TNIK: variants seen among roughly 807,000 people sequenced by gnomAD.
The protein encoded by TNIK is TRAF2 and NCK interacting kinase.
Under a neutral mutation model 191.3 loss-of-function variants are expected in TNIK, and 49 were observed. The observed-to-expected ratio is 0.26, with a 90% CI of 0.20 to 0.32. The LOEUF (loss-of-function observed/expected upper bound fraction) is 0.32, where lower values mean the gene tolerates loss of function less well. Among genes scored for constraint, TNIK ranks in the 10% least tolerant of loss-of-function variants. The pLI is 1.00. For missense variants in TNIK, 1,155 were observed against 1,702.3 expected (o/e 0.68, Z 5.66); for synonymous variants, 594 against 600.9 (o/e 0.99, Z 0.17).
intron 1 of TNIK, among the ~76,000 whole-genome samples, chr3:171,446,754 A>G (rs1381795510): frequency 6.6e-6 from 1 of 152,228 alleles, no homozygotes; most frequent in Non-Finnish European, 1.5e-5. Context: ...CTATTCTATC[A>G]TGGCCGTAGC....
chr3:171,322,860 T>C (rs1165453457), intron 2 of TNIK, among the ~76,000 whole-genome samples: 3 of 148,324 alleles, frequency 2.0e-5, no homozygotes, highest in African/African-American at 7.5e-5. Context: ...TTTTTTTAAG[T>C]GCAAGGTTGT....
At chr3:171,278,405 A>G (rs933312191) in intron 2 of TNIK, among the ~76,000 whole-genome samples, 4 of 152,202 alleles carry the variant, frequency 2.6e-5, no homozygotes, top group African/African-American at 4.8e-5. Flanking sequence ...CAACATCAAC[A>G]TAAGTATTCA....
intron 3 of TNIK, among the ~76,000 whole-genome samples, chr3:171,220,901 G>A (rs907232869): frequency 6.6e-6 from 1 of 152,092 alleles, no homozygotes; most frequent in South Asian, 2.1e-4. Flanking sequence ...TCTAACATGT[G>A]AGCATACACA....
At chr3:171,207,258 T>A (rs1740208336) in intron 4 of TNIK, among the ~76,000 whole-genome samples, 1 of 152,174 alleles carries the variant, frequency 6.6e-6, no homozygotes, top group African/African-American at 2.4e-5. Flanking sequence ...CTCTGTAGTA[T>A]TTTCCACATG....
chr3:171,383,675 A>G (rs114973946), intron 1 of TNIK, among the ~76,000 whole-genome samples: 1,611 of 152,354 alleles, frequency 0.011, 12 homozygotes, highest in South Asian at 0.02. Flanking sequence ...GGAAAAAGTA[A>G]TATGTCCTAT....
rs1298615223 is a variant in TNIK at position 171,194,638 on chromosome 3, G to A, written c.307-3C>T. ...GCACCACAAAACTCCATCACCAACT[G>A]GCAAAGGAAGCAAACAAGCCATTAT... On this transcript the variant is annotated splice_polypyrimidine_tract_variant and splice_region_variant and intron_variant, in intron 4 of 32. Transcript: ENST00000436636. The A allele has an allele frequency of 1.9e-6, 3 of 1,612,604 alleles. No individual in the cohort carries two copies. In the Admixed American group the frequency reaches 5.0e-5, roughly 27 times the overall value.
At chr3:171,076,278 G>GGTGGA (rs1287779182) in intron 28 of TNIK, among the ~76,000 whole-genome samples, 1 of 152,162 alleles carries the variant, frequency 6.6e-6, no homozygotes, top group Non-Finnish European at 1.5e-5. Context: ...AGAAAAGGCA[G>GGTGGA]GTGGAGACTC....
rs562350128 is a variant in TNIK at position 171,079,374 on chromosome 3, T to C, written c.3448+144A>G. 3.0e-5 allele frequency: 29 copies of C among 962,562 alleles called. No individual in the cohort carries two copies. The East Asian group carries it at 7.7e-4, about 25-fold the overall frequency. The allele number at this position is 962,562 out of a possible 1,614,324, so 59.6% of individuals were successfully genotyped here. A position where few individuals can be genotyped will look rare whatever the true frequency, so the allele number is the denominator to read the frequency against. On this transcript the variant is annotated intron_variant, in intron 28 of 32. Transcript: ENST00000436636. ...TCATCAATCTGGCTTTTAAAAAATA[T>C]AAATAATGCTGAAGGTTCCAGCAAC...
chr3:171,334,073 G>T (rs1039454329), intron 2 of TNIK, among the ~76,000 whole-genome samples: 3 of 152,286 alleles, frequency 2.0e-5, no homozygotes, highest in East Asian at 1.9e-4. Context: ...TCTGACTGAG[G>T]GGTGGGAAGT....
At chr3:171,132,046 C>T (rs1232383168) in intron 15 of TNIK, among the ~76,000 whole-genome samples, 1 of 152,202 alleles carries the variant, frequency 6.6e-6, no homozygotes, top group Admixed American at 6.5e-5. Context: ...AGATATGTTT[C>T]AATGCCTGAG....
At chr3:171,329,017 T>C (rs1490562354) in intron 2 of TNIK, among the ~76,000 whole-genome samples, 2 of 152,216 alleles carry the variant, frequency 1.3e-5, no homozygotes, top group Non-Finnish European at 2.9e-5. Context: ...TCCTGCACTT[T>C]CCTTATGAAA....
At chr3:171,442,202 G>A (rs1049022115) in intron 1 of TNIK, among the ~76,000 whole-genome samples, 3 of 152,140 alleles carry the variant, frequency 2.0e-5, no homozygotes, top group Non-Finnish European at 4.4e-5. Flanking sequence ...GCCACACGGA[G>A]GAAACAGGAA....
intron 1 of TNIK, among the ~76,000 whole-genome samples, chr3:171,379,548 G>A (rs567777971): frequency 1.3e-5 from 2 of 152,164 alleles, no homozygotes; most frequent in African/African-American, 4.8e-5. Context: ...TGTGTGTTCA[G>A]AGACTGTTTT....
intron 1 of TNIK, among the ~76,000 whole-genome samples, chr3:171,434,998 G>A (rs897134701): frequency 7.9e-5 from 12 of 152,214 alleles, no homozygotes; most frequent in African/African-American, 2.9e-4. Context: ...TATGAAGACT[G>A]GAGTCAGGCC....
At chr3:171,242,184 G>A (rs987937980) in intron 2 of TNIK, among the ~76,000 whole-genome samples, 1 of 151,224 alleles carries the variant, frequency 6.6e-6, no homozygotes, top group Non-Finnish European at 1.5e-5. Flanking sequence ...GAATGAGGCT[G>A]TGCTTTTTGA....
At chr3:171,179,882 T>G (rs2108795758) in intron 7 of TNIK, among the ~76,000 whole-genome samples, 1 of 152,304 alleles carries the variant, frequency 6.6e-6, no homozygotes, top group South Asian at 2.1e-4. Context: ...GTGGGTTGGC[T>G]CTTAAGGTCC....
chr3:171,218,228 G>A (rs1442161326), intron 3 of TNIK, among the ~76,000 whole-genome samples: 1 of 152,088 alleles, frequency 6.6e-6, no homozygotes, highest in Non-Finnish European at 1.5e-5. Context: ...CACTGTGCAG[G>A]GCTCTTCTTT....
At chr3:171,277,166 A>G (rs767857113) in intron 2 of TNIK, among the ~76,000 whole-genome samples, 22 of 152,182 alleles carry the variant, frequency 1.4e-4, no homozygotes, top group Non-Finnish European at 2.9e-4. Context: ...GCCTTCAGCC[A>G]TGTTATGATG....
intron 1 of TNIK, among the ~76,000 whole-genome samples, chr3:171,395,901 C>T (rs934821848): frequency 1.3e-5 from 2 of 152,054 alleles, no homozygotes; most frequent in South Asian, 4.1e-4. Context: ...TTATGTTTCT[C>T]GTGTTTTTCA....
Sources: gnomAD v4.1 joint callset for allele counts (sites outside exome capture counted in the v4.1 genomes callset) on GRCh38, gnomAD v4.1.1 for gene constraint, MANE v1.5 for transcripts, NCBI Gene and HGNC (gene_info 2026-07-23, HGNC 2026-07-21) for gene names.